SPOCK3: variants seen among roughly 807,000 people sequenced by gnomAD.
SPOCK3 encodes SPARC (osteonectin), cwcv and kazal like domains proteoglycan 3.
Under a neutral mutation model 56.6 loss-of-function variants are expected in SPOCK3, and 30 were observed. That is an observed-to-expected ratio of 0.53 (90% confidence interval 0.40 to 0.72). SPOCK3 has a LOEUF of 0.72. Among genes scored for constraint, SPOCK3 ranks in the 30% least tolerant of loss-of-function variants. SPOCK3 has a pLI of 0.00. For synonymous variants in SPOCK3, 196 were observed against 183.3 expected (o/e 1.07, Z -0.56); for missense variants, 527 against 530.0 (o/e 0.99, Z 0.06).
chr4:166,995,457 G>C (rs1050476360), intron 4 of SPOCK3, among the ~76,000 whole-genome samples: 2 of 151,918 alleles, frequency 1.3e-5, no homozygotes, highest in Non-Finnish European at 2.9e-5. Context: ...GAAAAGTTAA[G>C]TATCTATAAA....
At chr4:167,051,240 ATACTT>A (rs1344294180) in intron 3 of SPOCK3, among the ~76,000 whole-genome samples, 2 of 152,196 alleles carry the variant, frequency 1.3e-5, no homozygotes, top group Non-Finnish European at 2.9e-5. Context: ...CTAGACAACT[ATACTT>A]TTTAAATGAG....
Position 167,205,205 on chromosome 4 carries a change from A to G in SPOCK3, c.189+28780T>C, listed in dbSNP as rs1187434498. Among the ~76,000 whole-genome samples, 7 of 99,710 alleles carry G rather than the reference A, an allele frequency of 7.0e-5. No individual in the cohort carries two copies. In the East Asian group the frequency reaches 1.6e-3, roughly 22 times the overall value. The allele number at this position is 99,710 out of a possible 152,430, so 65.4% of individuals were successfully genotyped here. A position where few individuals can be genotyped will look rare whatever the true frequency, so the allele number is the denominator to read the frequency against. On this transcript the variant is annotated intron_variant, in intron 2 of 10. Transcript: ENST00000357545. ...TATAGATATTTTATATCTATAATATATATTATATATTATATATTTTATATC... is the reference window on the plus strand; with the variant it reads ...TATAGATATTTTATATCTATAATATGTATTATATATTATATATTTTATATC...
chr4:166,795,847 T>C (rs996004106), intron 6 of SPOCK3, among the ~76,000 whole-genome samples: 6 of 152,160 alleles, frequency 3.9e-5, no homozygotes, highest in Admixed American at 3.9e-4. Context: ...TGTCCCCTCA[T>C]TCCCACACAC....
chr4:166,853,379 A>G (rs139751746), intron 6 of SPOCK3, among the ~76,000 whole-genome samples: 112 of 152,360 alleles, frequency 7.4e-4, no homozygotes, highest in African/African-American at 2.6e-3. Context: ...AATATTAAGC[A>G]GCGTAAAATT....
At position 166,840,771 on chromosome 4, in the gene SPOCK3, G is replaced by GTTTTTTTTTTTT. The variant is rs70955697; in HGVS notation, c.589+48347_589+48358dup. On this transcript the variant is annotated intron_variant, in intron 6 of 10. Transcript: ENST00000357545. ...CTAATTCATCTTCCCAGAAGCAAAA[G>GTTTTTTTTTTTT]TTTTTTTTTTTTTTTTTTTTTTTTT... 2.8e-4 allele frequency among the ~76,000 whole-genome samples: 19 copies of GTTTTTTTTTTTT among 68,178 alleles called. 3 individuals carry two copies. Among genetic ancestry groups the GTTTTTTTTTTTT allele is most frequent in the South Asian group, 1.5e-3 (2 of 1,298 alleles). The allele number at this position is 68,178 out of a possible 152,430, so 44.7% of individuals were successfully genotyped here.
At chr4:166,880,001 C>G (rs1269087536) in intron 6 of SPOCK3, among the ~76,000 whole-genome samples, 2 of 152,138 alleles carry the variant, frequency 1.3e-5, no homozygotes, top group African/African-American at 4.8e-5. Flanking sequence ...GCTGCAGAAG[C>G]CCTGATGCTT....
intron 3 of SPOCK3, among the ~76,000 whole-genome samples, chr4:167,007,447 A>AT (rs927264846): frequency 2.6e-5 from 4 of 151,444 alleles, no homozygotes; most frequent in South Asian, 2.1e-4. Flanking sequence ...TGCTATTTTA[A>AT]TTTTTTTTTC....
At chr4:167,186,549 C>T (rs1426628515) in intron 2 of SPOCK3, among the ~76,000 whole-genome samples, 1 of 151,802 alleles carries the variant, frequency 6.6e-6, no homozygotes, top group African/African-American at 2.4e-5. Flanking sequence ...ATCATTTGAA[C>T]CCAGGAGGCG....
chr4:167,156,890 A>G (rs1764863718), intron 2 of SPOCK3, among the ~76,000 whole-genome samples: 1 of 152,284 alleles, frequency 6.6e-6, no homozygotes, highest in African/African-American at 2.4e-5. Context: ...AACTGGAATT[A>G]GGCCAAACAA....
chr4:166,869,606 CTGTGTGTGTGTGTGTGTG>C (rs34623275), intron 6 of SPOCK3, among the ~76,000 whole-genome samples: 6 of 141,826 alleles, frequency 4.2e-5, no homozygotes, highest in African/African-American at 1.0e-4. Context: ...CAATAGAATT[CTGTGTGTGTGTGTGTGTG>C]TGTGTGTGTG....
intron 5 of SPOCK3, among the ~76,000 whole-genome samples, chr4:166,906,182 CAT>C (rs1412408610): frequency 2.0e-5 from 3 of 152,038 alleles, no homozygotes; most frequent in African/African-American, 7.2e-5. Flanking sequence ...ACAAATTAGA[CAT>C]GTGATACAGG....
chr4:166,914,533 G>A (rs974731648), intron 4 of SPOCK3, among the ~76,000 whole-genome samples: 2 of 152,200 alleles, frequency 1.3e-5, no homozygotes, highest in African/African-American at 4.8e-5. Flanking sequence ...TGCTGTGGGA[G>A]GCCGAGACAG....
intron 2 of SPOCK3, among the ~76,000 whole-genome samples, chr4:167,206,388 TGAAGA>T (rs1734336356): frequency 6.6e-6 from 1 of 150,632 alleles, no homozygotes; most frequent in African/African-American, 2.5e-5. Flanking sequence ...CCTTAAATCC[TGAAGA>T]GAAAATAACA....
At chr4:167,182,123 A>G (rs2110763984) in intron 2 of SPOCK3, among the ~76,000 whole-genome samples, 1 of 152,304 alleles carries the variant, frequency 6.6e-6, no homozygotes, top group East Asian at 1.9e-4. Flanking sequence ...AATTTGTAAA[A>G]TTCTAGCAAT....
intron 6 of SPOCK3, among the ~76,000 whole-genome samples, chr4:166,875,202 A>T (rs2126960002): frequency 6.6e-6 from 1 of 152,300 alleles, no homozygotes; most frequent in South Asian, 2.1e-4. Context: ...TATTTAAAAA[A>T]TAAGAAGCTG....
At chr4:167,109,251 T>G (rs1285571381) in intron 2 of SPOCK3, among the ~76,000 whole-genome samples, 1 of 89,898 alleles carries the variant, frequency 1.1e-5, no homozygotes, top group Non-Finnish European at 1.9e-5. Flanking sequence ...ATTTATTTAT[T>G]ATATATTTAT....
intron 4 of SPOCK3, among the ~76,000 whole-genome samples, chr4:166,938,070 T>C (rs1435738317): frequency 6.6e-6 from 1 of 151,404 alleles, no homozygotes; most frequent in African/African-American, 2.4e-5. Context: ...GGGATTACAG[T>C]CATGAGCCAC....
At chr4:166,952,573 GA>G (rs1339031162) in intron 4 of SPOCK3, among the ~76,000 whole-genome samples, 1 of 151,950 alleles carries the variant, frequency 6.6e-6, no homozygotes, top group East Asian at 1.9e-4. Context: ...CACAGAATTG[GA>G]AAAAACTACT....
chr4:166,810,255 A>T (rs1359193047), intron 6 of SPOCK3, among the ~76,000 whole-genome samples: 1 of 152,118 alleles, frequency 6.6e-6, no homozygotes, highest in African/African-American at 2.4e-5. Context: ...TGACATGTGC[A>T]TAAGCCAATA....
Sources: gnomAD v4.1 joint callset for allele counts (sites outside exome capture counted in the v4.1 genomes callset) on GRCh38, gnomAD v4.1.1 for gene constraint, MANE v1.5 for transcripts, NCBI Gene and HGNC (gene_info 2026-07-23, HGNC 2026-07-21) for gene names.